TBC1D4: variants seen among roughly 807,000 people sequenced by gnomAD.
TBC1D4 encodes TBC (Tre-2, BUB2, CDC16) domain-containing protein.
In TBC1D4, 121 loss-of-function variants were observed where a neutral mutation model predicts 142.5. The observed-to-expected ratio is 0.85, with a 90% CI of 0.73 to 0.99. The LOEUF (loss-of-function observed/expected upper bound fraction) is 0.99, where lower values mean the gene tolerates loss of function less well. Ranked by LOEUF, TBC1D4 falls within the 50% of genes least tolerant of loss-of-function variation. The pLI is 0.00. For missense variants in TBC1D4, 1,475 were observed against 1,606.6 expected, an observed-to-expected ratio of 0.92 and a Z score of 1.40; for synonymous variants, 630 against 628.2, an observed-to-expected ratio of 1.00 and a Z score of -0.04.
chr13:75,313,884 T>C (rs1386085601), intron 12 of TBC1D4, among the ~76,000 whole-genome samples: 1 of 152,180 alleles, frequency 6.6e-6, no homozygotes, highest in Non-Finnish European at 1.5e-5. Flanking sequence ...GTTAATACAC[T>C]GGCATGCACT....
Position 75,310,113 on chromosome 13 carries a change from G to C in TBC1D4, c.2422C>G (p.Leu808Val), listed in dbSNP as rs193089072. ...GGTTCCTCCTCCATGGTTGGAGAGA[G>C]GGGGGACAGTGGCAGCAGCTCGTTC... is the stretch of plus-strand genomic sequence containing the variant. ...DRNELLPLSP[L>V]SPTMEEEPLV... Residue 808 changes from leucine (L) to valine (V), a missense_variant, in exon 14 of 21, where the codon CTC becomes GTC. Leu to Val is a conservative substitution (Grantham distance 32, BLOSUM62 1). Coordinates refer to ENST00000377636, the MANE Select transcript of TBC1D4 (RefSeq NM_014832.5). 7 of 1,611,838 alleles carry C rather than the reference G, an allele frequency of 4.3e-6. No individual in the cohort carries two copies. The African/African-American group carries it at 6.7e-5, about 15-fold the overall frequency.
Position 75,349,165 on chromosome 13 carries a change from T to C in TBC1D4, c.1408+5A>G, listed in dbSNP as rs1299773679. Reference sequence around the variant, plus strand: ...CTCTTTTGCCAAAGCCACATTAAACTGTACCTTCAATCCTTTCACAGAGCT... The same window carrying C: ...CTCTTTTGCCAAAGCCACATTAAACCGTACCTTCAATCCTTTCACAGAGCT... On this transcript the variant is annotated splice_donor_5th_base_variant and intron_variant, in intron 5 of 20. Coordinates refer to ENST00000377636, the MANE Select transcript of TBC1D4 (RefSeq NM_014832.5). 3 of 1,614,038 alleles carry C rather than the reference T, an allele frequency of 1.9e-6. No homozygotes were observed. The highest frequency in any genetic ancestry group is 1.3e-5 in the African/African-American group (1 of 75,038).
intron 1 of TBC1D4, among the ~76,000 whole-genome samples, chr13:75,427,472 A>T (rs1467684685): frequency 6.6e-6 from 1 of 152,040 alleles, no homozygotes; most frequent in East Asian, 1.9e-4. Context: ...TCCAGCCTAG[A>T]CTCAAGTTCA....
chr13:75,359,371 T>G (rs17071190), intron 3 of TBC1D4, among the ~76,000 whole-genome samples: 10,136 of 152,304 alleles, frequency 0.067, 472 homozygotes, highest in African/African-American at 0.13. Flanking sequence ...GTTCTCCTTT[T>G]ACTACCTACT....
At chr13:75,338,727 C>T (rs559508259) in intron 7 of TBC1D4, among the ~76,000 whole-genome samples, 33 of 152,208 alleles carry the variant, frequency 2.2e-4, no homozygotes, top group Non-Finnish European at 4.9e-4. Context: ...TCAAATTCCT[C>T]TATGGGCACC....
At chr13:75,312,099 C>G (rs1877812895) in intron 13 of TBC1D4, among the ~76,000 whole-genome samples, 1 of 152,044 alleles carries the variant, frequency 6.6e-6, no homozygotes, top group African/African-American at 2.4e-5. Context: ...TGTTTGTTTA[C>G]TGTTACATGT....
At chr13:75,388,896 C>T (rs1156897723) in intron 1 of TBC1D4, among the ~76,000 whole-genome samples, 1 of 152,192 alleles carries the variant, frequency 6.6e-6, no homozygotes, top group Non-Finnish European at 1.5e-5. Flanking sequence ...CAACATTGTT[C>T]AAACAGGCTC....
intron 1 of TBC1D4, among the ~76,000 whole-genome samples, chr13:75,383,886 C>T (rs1364640233): frequency 6.6e-6 from 1 of 152,150 alleles, no homozygotes; most frequent in African/African-American, 2.4e-5. Flanking sequence ...CTTACTTCAT[C>T]ATCTATTTCC....
Position 75,441,518 on chromosome 13 carries a change from C to T in TBC1D4, c.498+39752G>A, listed in dbSNP as rs148820582. Among the ~76,000 whole-genome samples, 611 of 152,092 alleles carry T rather than the reference C, an allele frequency of 4.0e-3. 5 individuals carry two copies. Among genetic ancestry groups the T allele is most frequent in the Middle Eastern group, 0.01 (3 of 294 alleles). ...CTTACCAAAAAAATTCAAATAGTTT[C>T]CCCCCTTGAGTAACTTAAAAGCACT... On this transcript the variant is annotated intron_variant, in intron 1 of 20. Coordinates refer to ENST00000377636, the MANE Select transcript of TBC1D4 (RefSeq NM_014832.5).
intron 1 of TBC1D4, among the ~76,000 whole-genome samples, chr13:75,434,295 C>T (rs577484603): frequency 2.2e-4 from 33 of 152,076 alleles, no homozygotes; most frequent in Admixed American, 5.9e-4. Context: ...TTTAAAAGTG[C>T]GGAACATATA....
intron 9 of TBC1D4, 82 bp downstream of exon 9, chr13:75,327,670 T>C: frequency 7.9e-7 from 1 of 1,265,378 alleles, no homozygotes; most frequent in South Asian, 1.2e-5. Flanking sequence ...GCATTCATAA[T>C]AAAAAATGGA....
intron 12 of TBC1D4, among the ~76,000 whole-genome samples, chr13:75,315,429 T>TATATATATACACAC (rs58936817): frequency 1.2e-4 from 17 of 146,308 alleles, no homozygotes; most frequent in East Asian, 4.0e-4. Context: ...CACACACATA[T>TATATATATACACAC]ATATATATAT....
At chr13:75,385,714 T>A (rs1884130520) in intron 1 of TBC1D4, among the ~76,000 whole-genome samples, 1 of 150,894 alleles carries the variant, frequency 6.6e-6, no homozygotes, top group South Asian at 2.1e-4. Flanking sequence ...GCTTTATATA[T>A]TTTATCTCCT....
At chr13:75,402,696 C>CAG (rs1395731272) in intron 1 of TBC1D4, among the ~76,000 whole-genome samples, 3 of 146,946 alleles carry the variant, frequency 2.0e-5, no homozygotes, top group Non-Finnish European at 3.0e-5. Flanking sequence ...CACACACACA[C>CAG]AGTATCATGC....
intron 1 of TBC1D4, among the ~76,000 whole-genome samples, chr13:75,467,158 A>T (rs1021540974): frequency 6.6e-6 from 1 of 152,220 alleles, no homozygotes; most frequent in South Asian, 2.1e-4. Flanking sequence ...CAATATGTAC[A>T]TTACAGCTTG....
At chr13:75,367,156 T>C (rs1398513207) in intron 1 of TBC1D4, 1 of 170,340 alleles carries the variant, frequency 5.9e-6, no homozygotes, top group Non-Finnish European at 1.2e-5. Context: ...AATACACAGA[T>C]TGTTTGGGAC....
At chr13:75,396,870 G>GA (rs1208588773) in intron 1 of TBC1D4, among the ~76,000 whole-genome samples, 4 of 151,998 alleles carry the variant, frequency 2.6e-5, no homozygotes, top group African/African-American at 9.7e-5. Context: ...TTTCAGATGA[G>GA]AAAAAATTCA....
intron 1 of TBC1D4, among the ~76,000 whole-genome samples, chr13:75,449,042 T>TTA (rs34832274): frequency 0.59 from 88,084 of 150,134 alleles, 27,902 homozygotes; most frequent in East Asian, 0.93. Flanking sequence ...CATATTTGAC[T>TTA]TATATATATA....
chr13:75,368,846 C>T lies in TBC1D4; in HGVS notation c.499-6239G>A, dbSNP rs185675680. ...ATCACTTGAGGTCAGGAATTCAGGA[C>T]CAGCCTGGCCAATACAGCAAAACCC... On this transcript the variant is annotated intron_variant, in intron 1 of 20. Coordinates refer to ENST00000377636, the MANE Select transcript of TBC1D4 (RefSeq NM_014832.5). Among the ~76,000 whole-genome samples, 4 of 152,132 alleles carry T rather than the reference C, an allele frequency of 2.6e-5. No individual in the cohort carries two copies. In the East Asian group the frequency reaches 5.8e-4, roughly 22 times the overall value.
Sources: gnomAD v4.1 joint callset for allele counts (sites outside exome capture counted in the v4.1 genomes callset) on GRCh38, gnomAD v4.1.1 for gene constraint, MANE v1.5 for transcripts, NCBI Gene and HGNC (gene_info 2026-07-23, HGNC 2026-07-21) for gene names.